Variants in ZNF546 observed in about 807,000 individuals in gnomAD.
The protein encoded by ZNF546 is CTC-471F3.6.
A neutral mutation model predicts 76.2 loss-of-function variants in ZNF546; 60 were observed. The ratio of observed to expected loss-of-function variants is 0.79; its 90% CI spans 0.64 to 0.98. The LOEUF (loss-of-function observed/expected upper bound fraction) is 0.98, where lower values mean the gene tolerates loss of function less well. ZNF546 is among the 50% of genes least tolerant of loss of function. The pLI is 0.00. For synonymous variants in ZNF546, 277 were observed against 328.1 expected, an observed-to-expected ratio of 0.84 and a Z score of 1.68; for missense variants, 936 against 1,035.6, an observed-to-expected ratio of 0.90 and a Z score of 1.32.
chr19:40,006,149 G>A lies in ZNF546; in HGVS notation c.138G>A (p.Leu46=). ...CFSMEETQGE[L]TSSCGSKTMA... Reference sequence around the variant, plus strand: ...CCATGGAGGAAACTCAAGGAGAACTGACAAGTTCTTGTGGTTCTAAAACCA... The same window carrying A: ...CCATGGAGGAAACTCAAGGAGAACTAACAAGTTCTTGTGGTTCTAAAACCA... Residue 46 remains leucine (L), a synonymous_variant, in exon 4 of 7, where the codon CTG becomes CTA. Coordinates refer to ENST00000347077, the MANE Select transcript of ZNF546 (RefSeq NM_178544.5). 1.2e-6 allele frequency: 2 copies of A among 1,613,878 alleles called. No individual in the cohort carries two copies. Among genetic ancestry groups the A allele is most frequent in the Non-Finnish European group, 1.7e-6 (2 of 1,179,900 alleles).
At chr19:40,009,837 A>G (rs234304) in intron 6 of ZNF546, among the ~76,000 whole-genome samples, 30,228 of 151,888 alleles carry the variant, frequency 0.2, 6,491 homozygotes, top group African/African-American at 0.54. Flanking sequence ...CCATGTTGCT[A>G]TATGTATCAG....
rs1279649726 is a variant in ZNF546 at position 40,020,254 on chromosome 19, A to C, written c.*4473A>C. On this transcript the variant is annotated 3_prime_UTR_variant, in exon 7 of 7. Transcript: ENST00000347077. The stretch of plus-strand genomic sequence containing the variant: ...TGTCAACCAAAATGTCTGTGATCTC[A>C]TGGATCCATTATGATTTGCAACTCC... 1.3e-5 allele frequency: 2 copies of C among 152,186 alleles called. No homozygotes were observed. The highest frequency in any genetic ancestry group is 1.9e-4 in the East Asian group (1 of 5,202). 9.4% of individuals were successfully genotyped at this position (152,186 alleles called of 1,614,324 possible). A position where few individuals can be genotyped will look rare whatever the true frequency, so the allele number is the denominator to read the frequency against.
chr19:40,004,075 A>AT (rs1568384580), intron 3 of ZNF546, among the ~76,000 whole-genome samples: 1 of 143,214 alleles, frequency 7.0e-6, no homozygotes, highest in African/African-American at 2.6e-5. Context: ...ATATATAAAT[A>AT]TATATATAAC....
chr19:40,015,265 C>A lies in ZNF546; in HGVS notation c.1995C>A (p.Tyr665Ter). 1 of 1,612,220 alleles carries A rather than the reference C, an allele frequency of 6.2e-7. No individual in the cohort carries two copies. Among genetic ancestry groups the A allele is most frequent in the Non-Finnish European group, 8.5e-7 (1 of 1,179,466 alleles). The change falls in exon 7 of 7, where the codon TAC becomes TAA. Residue 665 changes from tyrosine (Y) to a stop codon, truncating the protein, a stop_gained. Coordinates refer to ENST00000347077, the MANE Select transcript of ZNF546 (RefSeq NM_178544.5). LOFTEE classifies it high-confidence loss of function. ...GAATTCATACTGGTGAGAAACCCTA[C>A]GAATGTACGGAATGTGGGAAGACGT... Reference protein sequence around the residue: ...HHRIHTGEKPYECTECGKTFS... With the variant: ...HHRIHTGEKP
chr19:40,007,931 T>C (rs1171639394), intron 5 of ZNF546, among the ~76,000 whole-genome samples: 7 of 152,206 alleles, frequency 4.6e-5, no homozygotes, highest in Non-Finnish European at 8.8e-5. Flanking sequence ...GTTGAAGGAA[T>C]ATCTGAGGAA....
intron 6 of ZNF546, 86 bp from the exon 7 acceptor site, chr19:40,013,579 T>A (rs1447929263): frequency 1.8e-5 from 20 of 1,108,086 alleles, no homozygotes; most frequent in Non-Finnish European, 2.3e-5. Flanking sequence ...TACTATGAGG[T>A]ACAACCCCCA....
chr19:40,008,713 G>C (rs1008212670), intron 6 of ZNF546, 148 bp downstream of exon 6: 3 of 509,256 alleles, frequency 5.9e-6, no homozygotes, highest in Non-Finnish European at 7.0e-6. Context: ...GAAGCATTCA[G>C]ATTCTCTCTA....
chr19:40,010,507 G>T (rs1305081054), intron 6 of ZNF546, among the ~76,000 whole-genome samples: 1 of 152,066 alleles, frequency 6.6e-6, no homozygotes, highest in East Asian at 1.9e-4. Context: ...ACTTTGGTAT[G>T]GTCAGTCTTT....
Position 40,019,600 on chromosome 19 carries a change from G to A in ZNF546, c.*3819G>A, listed in dbSNP as rs953941002. On this transcript the variant is annotated 3_prime_UTR_variant, in exon 7 of 7. Coordinates refer to ENST00000347077, the MANE Select transcript of ZNF546 (RefSeq NM_178544.5). ...TTTTATTGAAAATTTCAAGGAGGAA[G>A]TAATATCAAAATTTCACTAGCTCTT... The A allele has an allele frequency of 7.2e-5, 11 of 152,150 alleles. No individual in the cohort carries two copies. The highest frequency in any genetic ancestry group is 1.2e-4 in the African/African-American group (5 of 41,436). The allele number at this position is 152,150 out of a possible 1,614,324, so 9.4% of individuals were successfully genotyped here.
At position 39,998,301 on chromosome 19, in the gene ZNF546, C is replaced by G. The variant is rs781248273; in HGVS notation, c.-26C>G. 3 of 1,594,154 alleles carry G rather than the reference C, an allele frequency of 1.9e-6. No individual in the cohort carries two copies. The African/African-American group carries it at 4.0e-5, about 21-fold the overall frequency. On this transcript the variant is annotated 5_prime_UTR_variant, in exon 3 of 7. Transcript: ENST00000347077. ...GAATTGTCCAGTGACCTATCCCAGG[C>G]CTTCCTTTCCAGTGAACAATGGACC...
In ZNF546 at chr19:40,018,366, T is replaced by C. The variant is rs1971808188; in HGVS notation, c.*2585T>C. 6.6e-6 allele frequency: 1 copy of C among 152,198 alleles called. No homozygotes were observed. 9.4% of individuals were successfully genotyped at this position (152,198 alleles called of 1,614,324 possible). On this transcript the variant is annotated 3_prime_UTR_variant, in exon 7 of 7. Coordinates refer to ENST00000347077, the MANE Select transcript of ZNF546 (RefSeq NM_178544.5). ...CCCAATTAGGGACAGATTAAATATTTTGGCAAGAATACTTAATGGGAGAAA... is the reference window on the plus strand; with the variant it reads ...CCCAATTAGGGACAGATTAAATATTCTGGCAAGAATACTTAATGGGAGAAA...
rs115050037 is a variant in ZNF546 at position 40,014,310 on chromosome 19, A to G, written c.1040A>G (p.His347Arg). 1 of 1,614,126 alleles carries G rather than the reference A, an allele frequency of 6.2e-7. No individual in the cohort carries two copies. The highest frequency in any genetic ancestry group is 1.1e-5 in the South Asian group (1 of 91,084). ...AFRLHYQLTE[H>R]QRIHTGERPY... ...AGACTTCATTATCAACTAACTGAACATCAAAGAATTCATACTGGTGAGAGG... is the reference window on the plus strand; with the variant it reads ...AGACTTCATTATCAACTAACTGAACGTCAAAGAATTCATACTGGTGAGAGG... The change falls in exon 7 of 7, where the codon CAT becomes CGT. Residue 347 changes from histidine (H) to arginine (R), a missense_variant. His to Arg is a conservative substitution (Grantham distance 29). Coordinates refer to ENST00000347077, the MANE Select transcript of ZNF546 (RefSeq NM_178544.5).
chr19:40,004,461 G>C (rs952984734), intron 3 of ZNF546, among the ~76,000 whole-genome samples: 3 of 151,904 alleles, frequency 2.0e-5, no homozygotes, highest in Non-Finnish European at 4.4e-5. Flanking sequence ...TGGAGATGGG[G>C]TTTTGCCATG....
intron 6 of ZNF546, among the ~76,000 whole-genome samples, chr19:40,011,912 C>G (rs73040540): frequency 0.012 from 1,886 of 152,284 alleles, 22 homozygotes; most frequent in Non-Finnish European, 0.02. Context: ...AGGGCCCACC[C>G]TTTTTCCATA....
In ZNF546 at chr19:40,017,657, C is replaced by T. The variant is rs1275671425; in HGVS notation, c.*1876C>T. The T allele has an allele frequency of 2.0e-5, 3 of 152,026 alleles. No individual in the cohort carries two copies. The highest frequency in any genetic ancestry group is 7.2e-5 in the African/African-American group (3 of 41,380). 9.4% of individuals were successfully genotyped at this position (152,026 alleles called of 1,614,324 possible). ...TTTTTTTTGTGATTTTTTTTAAGCT[C>T]ATCCGCCATTGTTAGCACATTTTAT... On this transcript the variant is annotated 3_prime_UTR_variant, in exon 7 of 7. Transcript: ENST00000347077.
At chr19:40,007,112 G>A (rs1392306820) in intron 4 of ZNF546, among the ~76,000 whole-genome samples, 162 bp from the exon 5 acceptor site, 1 of 152,166 alleles carries the variant, frequency 6.6e-6, no homozygotes, top group Non-Finnish European at 1.5e-5. Context: ...AAAAGCGTAT[G>A]AACACTTTAT....
chr19:40,012,844 C>T (rs796714682), intron 6 of ZNF546, among the ~76,000 whole-genome samples: 14 of 149,634 alleles, frequency 9.4e-5, no homozygotes, highest in Non-Finnish European at 1.9e-4. Flanking sequence ...GACAGAGTCT[C>T]GCTTTGTCAC....
intron 6 of ZNF546, among the ~76,000 whole-genome samples, chr19:40,012,040 C>T (rs545251852): frequency 1.3e-5 from 2 of 152,284 alleles, no homozygotes; most frequent in East Asian, 3.9e-4. Context: ...AGCCTGTGTT[C>T]TTCACCTTGC....
chr19:40,002,058 T>C (rs173061), intron 3 of ZNF546, among the ~76,000 whole-genome samples: 24,866 of 152,158 alleles, frequency 0.16, 4,614 homozygotes, highest in African/African-American at 0.45. Flanking sequence ...ACAACAGAGT[T>C]TGTGTTATTA....
Sources: allele counts gnomAD v4.1 joint callset (sites outside exome capture counted in the v4.1 genomes callset), GRCh38; gene constraint gnomAD v4.1.1; transcripts MANE v1.5; gene names NCBI Gene and HGNC (gene_info 2026-07-23, HGNC 2026-07-21).